The following ERC1 variants were observed in gnomAD, a reference collection of about 807,000 sequenced individuals.
ERC1 encodes RAB6 interacting protein 2.
A neutral mutation model predicts 132.0 loss-of-function variants in ERC1; 56 were observed. That is an observed-to-expected ratio of 0.42 (90% CI 0.34 to 0.53). The LOEUF (loss-of-function observed/expected upper bound fraction) is 0.53, where lower values mean the gene tolerates loss of function less well. Among genes scored for constraint, ERC1 ranks in the 20% least tolerant of loss-of-function variants. The pLI, the probability that ERC1 is intolerant of heterozygous loss-of-function variation, is 0.03. For missense variants in ERC1, 1,202 were observed against 1,349.9 expected, an observed-to-expected ratio of 0.89 and a Z score of 1.72; for synonymous variants, 478 against 476.1, an observed-to-expected ratio of 1.00 and a Z score of -0.05.
chr12:1,404,917 TC>T (rs1298171897), intron 16 of ERC1, among the ~76,000 whole-genome samples: 1 of 151,992 alleles, frequency 6.6e-6, no homozygotes, highest in African/African-American at 2.4e-5. Flanking sequence ...GGCAGGCTGA[TC>T]ACTTGGGGTC....
intron 17 of ERC1, among the ~76,000 whole-genome samples, chr12:1,415,709 C>A (rs1351416245): frequency 6.6e-6 from 1 of 152,058 alleles, no homozygotes; most frequent in Non-Finnish European, 1.5e-5. Context: ...GTCCAAAAAC[C>A]AATTTGGGCC....
In ERC1 at chr12:1,112,249, A is replaced by T. The variant is rs1307556447; in HGVS notation, c.1352A>T (p.Glu451Val). 6.2e-7 allele frequency: 1 copy of T among 1,613,198 alleles called. No homozygotes were observed. The highest frequency in any genetic ancestry group is 8.5e-7 in the Non-Finnish European group (1 of 1,179,232). ...EQLKEELSSK[E>V]AQWEELKKKA... ...CTGAAGGAGGAACTAAGTTCGAAAGAGGCTCAATGGGAGGAGCTGAAAAAG... is the reference window on the plus strand; with the variant it reads ...CTGAAGGAGGAACTAAGTTCGAAAGTGGCTCAATGGGAGGAGCTGAAAAAG... The change falls in exon 6 of 19, where the codon GAG becomes GTG. Residue 451 changes from glutamate to valine, a missense_variant. Physicochemically the swap from Glu to Val is moderately radical, Grantham distance 121. Transcript: ENST00000360905.
intron 2 of ERC1, among the ~76,000 whole-genome samples, chr12:1,049,750 T>TTA (rs1971610278): frequency 6.8e-6 from 1 of 147,140 alleles, no homozygotes; most frequent in African/African-American, 2.5e-5. Flanking sequence ...TTGTGATCTT[T>TTA]TTTTTTTTTT....
intron 16 of ERC1, among the ~76,000 whole-genome samples, chr12:1,404,199 G>A (rs1311009128): frequency 6.6e-6 from 1 of 152,178 alleles, no homozygotes; most frequent in African/African-American, 2.4e-5. Context: ...TCTCGGCTTC[G>A]TAGATAATGC....
At chr12:1,295,939 A>G (rs2154342494) in intron 15 of ERC1, among the ~76,000 whole-genome samples, 1 of 151,964 alleles carries the variant, frequency 6.6e-6, no homozygotes, top group South Asian at 2.1e-4. Context: ...AGAATCAGGA[A>G]CATATGATCT....
At chr12:1,421,293 A>T (rs1178143347) in intron 17 of ERC1, among the ~76,000 whole-genome samples, 1 of 152,220 alleles carries the variant, frequency 6.6e-6, no homozygotes, top group Non-Finnish European at 1.5e-5. Context: ...CTGAGACAGC[A>T]GCATTGCAGT....
intron 7 of ERC1, among the ~76,000 whole-genome samples, chr12:1,137,008 T>C (rs73041035): frequency 0.048 from 7,352 of 152,192 alleles, 264 homozygotes; most frequent in Middle Eastern, 0.099. Flanking sequence ...GATAACAGAT[T>C]ATAATCTTTG....
At chr12:1,019,555 A>G (rs962111407) in intron 1 of ERC1, among the ~76,000 whole-genome samples, 6 of 152,210 alleles carry the variant, frequency 3.9e-5, no homozygotes, top group African/African-American at 7.2e-5. Context: ...AAAAAGGCCA[A>G]TGACATCATC....
At chr12:1,457,247 G>A (rs1187909724) in intron 18 of ERC1, among the ~76,000 whole-genome samples, 2 of 152,168 alleles carry the variant, frequency 1.3e-5, no homozygotes, top group Admixed American at 6.5e-5. Flanking sequence ...ACCTCCTGAC[G>A]ATGCATTTCT....
intron 15 of ERC1, among the ~76,000 whole-genome samples, chr12:1,317,616 G>A (rs2081854396): frequency 6.6e-6 from 1 of 152,152 alleles, no homozygotes; most frequent in South Asian, 2.1e-4. Context: ...ACTGAATATT[G>A]GGAGACTTTT....
rs573016018 is a variant in ERC1 at position 1,421,386 on chromosome 12, G to T, written c.3024+13139G>T. Among the ~76,000 whole-genome samples the T allele has an allele frequency of 1.6e-4, 24 of 152,294 alleles. No homozygotes were observed. In the South Asian group the frequency reaches 4.6e-3, roughly 29 times the overall value. On this transcript the variant is annotated intron_variant, in intron 17 of 18. Transcript: ENST00000360905. ...AATCTTCCTCCCCAAGAACTCAGAG[G>T]CTAGGGTCTTCCAGGATAATTTAGC...
At chr12:1,431,099 C>T (rs1296704025) in intron 17 of ERC1, among the ~76,000 whole-genome samples, 1 of 152,070 alleles carries the variant, frequency 6.6e-6, no homozygotes. Flanking sequence ...TGAAATAAAG[C>T]CTGAAAGTTC....
At chr12:1,055,570 G>C (rs1399197703) in intron 2 of ERC1, among the ~76,000 whole-genome samples, 1 of 152,054 alleles carries the variant, frequency 6.6e-6, no homozygotes, top group African/African-American at 2.4e-5. Flanking sequence ...CACAATCTCA[G>C]CATTTAAAAA....
chr12:1,064,295 G>A (rs933967490), intron 2 of ERC1, among the ~76,000 whole-genome samples: 1 of 151,008 alleles, frequency 6.6e-6, no homozygotes, highest in South Asian at 2.1e-4. Context: ...GCACAATCAT[G>A]TCTCACGACA....
At chr12:1,262,452 T>G (rs1251424129) in intron 13 of ERC1, among the ~76,000 whole-genome samples, 1 of 152,232 alleles carries the variant, frequency 6.6e-6, no homozygotes, top group Non-Finnish European at 1.5e-5. Context: ...GTCACTTATA[T>G]CCAGTTGTCA....
At chr12:1,440,239 C>G (rs1250926793) in intron 17 of ERC1, among the ~76,000 whole-genome samples, 1 of 124,034 alleles carries the variant, frequency 8.1e-6, no homozygotes, top group Non-Finnish European at 1.6e-5. Flanking sequence ...GAGTCTTGCT[C>G]TGTCGCCCAG....
chr12:1,142,596 A>G (rs183268702), intron 8 of ERC1, among the ~76,000 whole-genome samples: 2 of 152,334 alleles, frequency 1.3e-5, no homozygotes, highest in East Asian at 1.9e-4. Flanking sequence ...CATTTCTACT[A>G]TCCGTGATGA....
At chr12:1,007,490 CTCTT>C (rs1555194749) in intron 1 of ERC1, among the ~76,000 whole-genome samples, 30 of 134,164 alleles carry the variant, frequency 2.2e-4, no homozygotes, top group Middle Eastern at 3.7e-3. Flanking sequence ...CTCTCTCTCT[CTCTT>C]TCTCTCTCTC....
At chr12:1,485,645 C>T (rs1202457046) in intron 18 of ERC1, among the ~76,000 whole-genome samples, 1 of 152,066 alleles carries the variant, frequency 6.6e-6, no homozygotes, top group Non-Finnish European at 1.5e-5. Context: ...CTTCATAATA[C>T]AGTAATGTCA....
Sources: gnomAD v4.1 joint callset for allele counts (sites outside exome capture counted in the v4.1 genomes callset) on GRCh38, gnomAD v4.1.1 for gene constraint, MANE v1.5 for transcripts, NCBI Gene and HGNC (gene_info 2026-07-23, HGNC 2026-07-21) for gene names.